The following GRID2 variants were observed in gnomAD, a reference collection of about 807,000 sequenced individuals.
GRID2 encodes glutamate ionotropic receptor delta type subunit 2.
A neutral mutation model predicts 114.8 loss-of-function variants in GRID2; 33 were observed. The ratio of observed to expected loss-of-function variants is 0.29; its 90% CI spans 0.22 to 0.38. The LOEUF (loss-of-function observed/expected upper bound fraction) is 0.38, where lower values mean the gene tolerates loss of function less well. Among genes scored for constraint, GRID2 ranks in the 10% least tolerant of loss-of-function variants. The pLI is 1.00. For missense variants in GRID2, 1,184 were observed against 1,257.7 expected, an observed-to-expected ratio of 0.94 and a Z score of 0.89; for synonymous variants, 505 against 449.9, an observed-to-expected ratio of 1.12 and a Z score of -1.55.
intron 13 of GRID2, among the ~76,000 whole-genome samples, chr4:93,589,900 G>T (rs1238913334): frequency 6.6e-6 from 1 of 151,040 alleles, no homozygotes; most frequent in East Asian, 1.9e-4. Context: ...TGATGGGGTT[G>T]TTTGTTTTGT....
Position 93,314,170 on chromosome 4 carries a change from T to C in GRID2, c.1245+75680T>C, listed in dbSNP as rs563993949. On this transcript the variant is annotated intron_variant, in intron 8 of 15. Transcript: ENST00000282020. ...AAATACAAAAATTAGCCAGGCATGATGGCATGTGCCTGTAGTCCCAGCTAC... is the reference window on the plus strand; with the variant it reads ...AAATACAAAAATTAGCCAGGCATGACGGCATGTGCCTGTAGTCCCAGCTAC... Among the ~76,000 whole-genome samples the C allele has an allele frequency of 2.6e-5, 4 of 151,898 alleles. No individual in the cohort carries two copies. In the East Asian group the frequency reaches 7.8e-4, roughly 30 times the overall value.
At chr4:93,650,176 A>G (rs1722459815) in intron 14 of GRID2, among the ~76,000 whole-genome samples, 1 of 152,116 alleles carries the variant, frequency 6.6e-6, no homozygotes, top group Non-Finnish European at 1.5e-5. Flanking sequence ...CTTTATTGCC[A>G]ACTTCCAATG....
chr4:92,811,770 G>A (rs563075356), intron 2 of GRID2, among the ~76,000 whole-genome samples: 1 of 151,940 alleles, frequency 6.6e-6, no homozygotes, highest in Non-Finnish European at 1.5e-5. Context: ...TATGAAAATG[G>A]GAGACATATT....
intron 2 of GRID2, among the ~76,000 whole-genome samples, chr4:92,766,881 T>C (rs777236519): frequency 3.3e-5 from 5 of 152,200 alleles, no homozygotes; most frequent in Non-Finnish European, 5.9e-5. Flanking sequence ...AGGAGTTAAA[T>C]AAGGACTGGA....
At chr4:93,629,318 C>T (rs947849469) in intron 14 of GRID2, among the ~76,000 whole-genome samples, 1 of 152,006 alleles carries the variant, frequency 6.6e-6, no homozygotes, top group Non-Finnish European at 1.5e-5. Context: ...TGTGGAGTTT[C>T]TTGGTAACGA....
At chr4:93,592,087 G>A (rs1488644906) in intron 13 of GRID2, among the ~76,000 whole-genome samples, 1 of 151,954 alleles carries the variant, frequency 6.6e-6, no homozygotes, top group Non-Finnish European at 1.5e-5. Context: ...GTTATTTCTT[G>A]CCTTCTGCTA....
chr4:92,629,512 G>T (rs1730686079), intron 2 of GRID2, among the ~76,000 whole-genome samples: 1 of 152,118 alleles, frequency 6.6e-6, no homozygotes, highest in Admixed American at 6.5e-5. Context: ...TGTCAAAAGT[G>T]AAGGGGAAAG....
intron 2 of GRID2, among the ~76,000 whole-genome samples, chr4:92,755,279 C>G (rs1219128662): frequency 1.3e-5 from 2 of 152,080 alleles, no homozygotes; most frequent in Non-Finnish European, 2.9e-5. Flanking sequence ...AAAAAAATAA[C>G]TTTTTTGGCA....
intron 2 of GRID2, among the ~76,000 whole-genome samples, chr4:92,989,224 C>T (rs1754696639): frequency 7.1e-6 from 1 of 140,690 alleles, no homozygotes; most frequent in African/African-American, 2.7e-5. Context: ...TTGCAGTGAG[C>T]CAAGACCATG....
intron 2 of GRID2, among the ~76,000 whole-genome samples, chr4:92,915,841 A>G (rs529024505): frequency 5.1e-4 from 77 of 151,932 alleles, no homozygotes; most frequent in African/African-American, 1.8e-3. Context: ...TTTTCATATG[A>G]TTGTTGGCCA....
chr4:93,180,781 T>A (rs1172368433), intron 4 of GRID2, among the ~76,000 whole-genome samples: 3 of 152,156 alleles, frequency 2.0e-5, no homozygotes, highest in African/African-American at 7.2e-5. Context: ...TCATTCAAAT[T>A]TAATCATGAG....
At chr4:93,239,034 A>C (rs548670255) in intron 8 of GRID2, among the ~76,000 whole-genome samples, 173 of 150,852 alleles carry the variant, frequency 1.1e-3, no homozygotes, top group African/African-American at 3.5e-3. Flanking sequence ...GTTTCATGAA[A>C]TACTGGGACA....
At chr4:93,271,511 G>A (rs1249866607) in intron 8 of GRID2, among the ~76,000 whole-genome samples, 7 of 152,158 alleles carry the variant, frequency 4.6e-5, no homozygotes, top group African/African-American at 1.4e-4. Flanking sequence ...TATTTTCCCA[G>A]CTGTAGATTT....
At chr4:93,451,491 A>C (rs1015326308) in intron 10 of GRID2, among the ~76,000 whole-genome samples, 6 of 152,104 alleles carry the variant, frequency 3.9e-5, no homozygotes, top group Non-Finnish European at 1.5e-5. Context: ...GTACAGTATG[A>C]ATATGTTGAA....
intron 2 of GRID2, among the ~76,000 whole-genome samples, chr4:92,670,848 G>C (rs1411364699): frequency 6.6e-6 from 1 of 152,026 alleles, no homozygotes; most frequent in Admixed American, 6.6e-5. Flanking sequence ...CTTGAGGTTT[G>C]GACCTGAGAC....
At chr4:93,125,818 G>C (rs192521516) in intron 4 of GRID2, among the ~76,000 whole-genome samples, 1 of 152,266 alleles carries the variant, frequency 6.6e-6, no homozygotes, top group East Asian at 1.9e-4. Flanking sequence ...GAATTCTTAA[G>C]TTTAATATCC....
chr4:93,535,217 C>A (rs933735372), intron 13 of GRID2, among the ~76,000 whole-genome samples: 8 of 124,906 alleles, frequency 6.4e-5, no homozygotes, highest in African/African-American at 2.3e-4. Flanking sequence ...CCATTTTATA[C>A]ACACACATAC....
chr4:92,956,453 A>G (rs1317079976), intron 2 of GRID2, among the ~76,000 whole-genome samples: 1 of 152,174 alleles, frequency 6.6e-6, no homozygotes, highest in Non-Finnish European at 1.5e-5. Flanking sequence ...CCTCTTCCAG[A>G]ATGTGATATA....
intron 1 of GRID2, among the ~76,000 whole-genome samples, chr4:92,434,645 A>C (rs1352368044): frequency 6.6e-6 from 1 of 152,146 alleles, no homozygotes; most frequent in Non-Finnish European, 1.5e-5. Flanking sequence ...ATTTTATATT[A>C]TTTAATTTTC....
Sources: gnomAD v4.1 joint callset for allele counts (sites outside exome capture counted in the v4.1 genomes callset) on GRCh38, gnomAD v4.1.1 for gene constraint, MANE v1.5 for transcripts, NCBI Gene and HGNC (gene_info 2026-07-23, HGNC 2026-07-21) for gene names.